LRRC4B: variants seen among roughly 807,000 people sequenced by gnomAD.
LRRC4B encodes leucine-rich repeat-containing protein 4B.
A neutral mutation model predicts 7.3 loss-of-function variants in LRRC4B; 1 was observed. The observed-to-expected ratio is 0.14, with a 90% confidence interval of 0.05 to 0.65. The LOEUF is 0.65. Among genes scored for constraint, LRRC4B ranks in the 30% least tolerant of loss-of-function variants. The pLI, the probability that LRRC4B is intolerant of heterozygous loss-of-function variation, is 0.84. For synonymous variants in LRRC4B, 500 were observed against 499.2 expected (o/e 1.00, Z -0.02); for missense variants, 730 against 1,041.6 (o/e 0.70, Z 4.12).
In LRRC4B at chr19:50,563,631, G is replaced by A. The variant is rs889873449; in HGVS notation, c.-36+4313C>T. ...GGCCAAATGTGCAGCCTGGTGTACAGAGAAGCCCACCCCCTGCCTACGGGC... is the reference window on the plus strand; with the variant it reads ...GGCCAAATGTGCAGCCTGGTGTACAAAGAAGCCCACCCCCTGCCTACGGGC... On this transcript the variant is annotated intron_variant, in intron 1 of 2. Transcript: ENST00000652263. The surrounding 1 kb of genome is among the most constrained non-coding windows in gnomAD (Gnocchi z 4.9). 1.3e-5 allele frequency among the ~76,000 whole-genome samples: 2 copies of A among 152,170 alleles called. No individual in the cohort carries two copies. The highest frequency in any genetic ancestry group is 1.3e-4 in the Admixed American group (2 of 15,276).
chr19:50,533,520 C>T (rs1334146955), intron 2 of LRRC4B, among the ~76,000 whole-genome samples: 1 of 152,032 alleles, frequency 6.6e-6, no homozygotes, highest in Non-Finnish European at 1.5e-5. Flanking sequence ...AATACAAAGA[C>T]CAAAGACCAG....
At chr19:50,549,520 C>A (rs1981963719) in intron 1 of LRRC4B, among the ~76,000 whole-genome samples, 1 of 152,224 alleles carries the variant, frequency 6.6e-6, no homozygotes, top group African/African-American at 2.4e-5. Flanking sequence ...CTGTCACTGC[C>A]CACCCTGTCC....
At chr19:50,521,658 C>A (rs1980583216) in intron 2 of LRRC4B, among the ~76,000 whole-genome samples, 3 of 151,956 alleles carry the variant, frequency 2.0e-5, no homozygotes, top group South Asian at 2.1e-4. Context: ...GAACTCCTGA[C>A]CTCGTGATCC....
Position 50,555,772 on chromosome 19 carries a change from TG to T in LRRC4B, c.-35-6900del, listed in dbSNP as rs1357985588. ...GTTCCTGTCAGGCGCACTCATTTTT[TG>T]GGGTGGGGTGGGGGGCTAAATTCAG... On this transcript the variant is annotated intron_variant, in intron 1 of 2. Transcript: ENST00000652263. The surrounding 1 kb of genome is among the most constrained non-coding windows in gnomAD (Gnocchi z 5.2). The T allele has an allele frequency of 6.7e-6, 1 of 148,972 alleles. No homozygotes were observed. The highest frequency in any genetic ancestry group is 2.5e-5 in the African/African-American group (1 of 40,206). 9.2% of individuals were successfully genotyped at this position (148,972 alleles called of 1,614,324 possible).
intron 2 of LRRC4B, among the ~76,000 whole-genome samples, chr19:50,543,294 G>A (rs1405496089): frequency 6.6e-6 from 1 of 151,594 alleles, no homozygotes; most frequent in Non-Finnish European, 1.5e-5. Flanking sequence ...GGAATCCCCA[G>A]AATTCAGCCT....
At chr19:50,527,401 G>A (rs1275937609) in intron 2 of LRRC4B, among the ~76,000 whole-genome samples, 1 of 141,490 alleles carries the variant, frequency 7.1e-6, no homozygotes, top group African/African-American at 2.7e-5. Context: ...TTGGCCAGGT[G>A]GTCTCGAATT....
chr19:50,562,858 G>A (rs548884946), intron 1 of LRRC4B, among the ~76,000 whole-genome samples: 3 of 150,820 alleles, frequency 2.0e-5, no homozygotes, highest in East Asian at 1.9e-4. Flanking sequence ...CTCCTGCCTC[G>A]GCCCCCTGAG....
Position 50,567,990 on chromosome 19 carries a change from G to A in LRRC4B, c.-82C>T, listed in dbSNP as rs911595532. The A allele has an allele frequency of 1.3e-5, 2 of 149,888 alleles. No homozygotes were observed. The highest frequency in any genetic ancestry group is 4.9e-5 in the African/African-American group (2 of 40,844). The allele number at this position is 149,888 out of a possible 1,614,324, so 9.3% of individuals were successfully genotyped here. On this transcript the variant is annotated 5_prime_UTR_variant, in exon 1 of 3. Transcript: ENST00000652263. ...CGGGGGGCAGCATGCCCGGCCCGTG[G>A]GGGGAGGACCCCCCCAATGAGGCTC...
In LRRC4B at chr19:50,556,173, AG is replaced by A. The variant is rs1982268864; in HGVS notation, c.-35-7301del. The stretch of plus-strand genomic sequence containing the variant: ...GAGCTGCTGATGAGGAAGCAGGACT[AG>A]GGGCTTGGCTCAGCTCACGAATTTC... On this transcript the variant is annotated intron_variant, in intron 1 of 2. Coordinates refer to ENST00000652263, the MANE Select transcript of LRRC4B (RefSeq NM_001080457.2). This position sits in a 1 kb window ranked among gnomAD's most constrained non-coding sequence, Gnocchi z 4.2. Among the ~76,000 whole-genome samples, 1 of 151,496 alleles carries A rather than the reference AG, an allele frequency of 6.6e-6. No homozygotes were observed. The highest frequency in any genetic ancestry group is 1.5e-5 in the Non-Finnish European group (1 of 67,920).
At chr19:50,547,869 A>G (rs921485317) in intron 2 of LRRC4B, among the ~76,000 whole-genome samples, 2 of 151,704 alleles carry the variant, frequency 1.3e-5, no homozygotes, top group African/African-American at 4.8e-5. Flanking sequence ...CCCCATCCTG[A>G]GCACCAGCCA....
At chr19:50,541,106 C>T (rs1981525192) in intron 2 of LRRC4B, among the ~76,000 whole-genome samples, 1 of 151,648 alleles carries the variant, frequency 6.6e-6, no homozygotes, top group African/African-American at 2.4e-5. Context: ...ATGGCGTGAA[C>T]CCGGGAGGCG....
Position 50,537,732 on chromosome 19 carries a change from C to T in LRRC4B, c.297+10810G>A, listed in dbSNP as rs1981350803. On this transcript the variant is annotated intron_variant, in intron 2 of 2. Transcript: ENST00000652263. This position sits in a 1 kb window ranked among gnomAD's most constrained non-coding sequence, Gnocchi z 5.5. ...ATCATGAGAAAAAGTTAAGAAGAAA[C>T]TGACAAAGTATGGGAAATCCTATTT... Among the ~76,000 whole-genome samples, 3 of 152,024 alleles carry T rather than the reference C, an allele frequency of 2.0e-5. No homozygotes were observed. Among genetic ancestry groups the T allele is most frequent in the Non-Finnish European group, 4.4e-5 (3 of 67,996 alleles).
In LRRC4B at chr19:50,563,503, G is replaced by A. The variant is rs1982535250; in HGVS notation, c.-36+4441C>T. On this transcript the variant is annotated intron_variant, in intron 1 of 2. Coordinates refer to ENST00000652263, the MANE Select transcript of LRRC4B (RefSeq NM_001080457.2). This position sits in a 1 kb window ranked among gnomAD's most constrained non-coding sequence, Gnocchi z 4.9. ...TGAGCGCTGCCAGGCACAGAGGGGA[G>A]CCCTGTCCTTTGCACCCCTATCTGG... Among the ~76,000 whole-genome samples, 2 of 152,208 alleles carry A rather than the reference G, an allele frequency of 1.3e-5. No homozygotes were observed. Among genetic ancestry groups the A allele is most frequent in the South Asian group, 4.1e-4 (2 of 4,832 alleles).
chr19:50,550,553 C>A (rs1982012202), intron 1 of LRRC4B, among the ~76,000 whole-genome samples: 2 of 152,150 alleles, frequency 1.3e-5, no homozygotes, highest in African/African-American at 4.8e-5. Context: ...CCTCCTCCTG[C>A]AGTTTCCAAG....
At chr19:50,547,815 A>C (rs1981879110) in intron 2 of LRRC4B, among the ~76,000 whole-genome samples, 1 of 151,730 alleles carries the variant, frequency 6.6e-6, no homozygotes, top group African/African-American at 2.4e-5. Context: ...GCCCTCGCTT[A>C]CGGCCTATCC....
chr19:50,520,228 A>G (rs1601369743), intron 2 of LRRC4B, among the ~76,000 whole-genome samples: 13 of 69,156 alleles, frequency 1.9e-4, no homozygotes, highest in African/African-American at 7.2e-4. Context: ...AAAAAAAAAA[A>G]AAAAAAAAAA....
At chr19:50,531,480 C>G (rs1487984180) in intron 2 of LRRC4B, among the ~76,000 whole-genome samples, 1 of 152,134 alleles carries the variant, frequency 6.6e-6, no homozygotes, top group Non-Finnish European at 1.5e-5. Context: ...GGGACACTCC[C>G]AAAGGGAGGG....
intron 2 of LRRC4B, among the ~76,000 whole-genome samples, chr19:50,525,792 C>T (rs1460717354): frequency 3.3e-5 from 5 of 152,078 alleles, no homozygotes; most frequent in Non-Finnish European, 7.4e-5. Context: ...TCCTCCGACT[C>T]CCTGTTCCAG....
chr19:50,525,669 C>G (rs1418274434), intron 2 of LRRC4B, among the ~76,000 whole-genome samples: 1 of 151,394 alleles, frequency 6.6e-6, no homozygotes, highest in Non-Finnish European at 1.5e-5. Context: ...ATCTGCCCAA[C>G]TCGGCCTCCC....
Sources: allele counts gnomAD v4.1 joint callset (sites outside exome capture counted in the v4.1 genomes callset), GRCh38; gene constraint gnomAD v4.1.1; non-coding constraint Gnocchi (gnomAD v3.1); transcripts MANE v1.5; gene names NCBI Gene and HGNC (gene_info 2026-07-23, HGNC 2026-07-21).